Variants in PTPRD observed in about 807,000 individuals in gnomAD.
PTPRD encodes protein tyrosine phosphatase receptor type D.
A neutral mutation model predicts 214.5 loss-of-function variants in PTPRD; 34 were observed. The ratio of observed to expected loss-of-function variants is 0.16; its 90% CI spans 0.12 to 0.21. The LOEUF (loss-of-function observed/expected upper bound fraction) is 0.21, where lower values mean the gene tolerates loss of function less well. PTPRD is among the 10% of genes least tolerant of loss of function. The pLI, the probability that PTPRD is intolerant of heterozygous loss-of-function variation, is 1.00. For missense variants in PTPRD, 2,545 were observed against 2,398.7 expected, an observed-to-expected ratio of 1.06 and a Z score of -1.27; for synonymous variants, 1,128 against 845.7, an observed-to-expected ratio of 1.33 and a Z score of -5.79.
intron 4 of PTPRD, among the ~76,000 whole-genome samples, chr9:10,007,561 T>G (rs1389967592): frequency 6.6e-6 from 1 of 152,014 alleles, no homozygotes; most frequent in Non-Finnish European, 1.5e-5. Context: ...CTGAACCATA[T>G]GATCTCACGA....
chr9:9,990,915 T>C lies in PTPRD; in HGVS notation c.-472+42803A>G, dbSNP rs369278595. Among the ~76,000 whole-genome samples the C allele has an allele frequency of 3.5e-4, 52 of 149,928 alleles. 1 individual carries two copies. In the South Asian group the frequency reaches 8.9e-3, roughly 26 times the overall value. On this transcript the variant is annotated intron_variant, in intron 4 of 45. Transcript: ENST00000381196. ...TGTAAAATCAAAATGTAAAATCTTC[T>C]AGGGAAGATGAGTAAAATAGTCTTT...
intron 5 of PTPRD, among the ~76,000 whole-genome samples, chr9:9,935,555 C>G (rs1349625842): frequency 6.6e-6 from 1 of 151,894 alleles, no homozygotes; most frequent in Non-Finnish European, 1.5e-5. Context: ...AACTACAAAC[C>G]AATGCTCAAG....
intron 7 of PTPRD, among the ~76,000 whole-genome samples, chr9:9,678,473 A>T (rs1258242664): frequency 6.6e-6 from 1 of 152,064 alleles, no homozygotes; most frequent in African/African-American, 2.4e-5. Flanking sequence ...TGGGGAAACG[A>T]TTCCCAGTTT....
intron 11 of PTPRD, among the ~76,000 whole-genome samples, chr9:8,848,612 T>C (rs1351950908): frequency 6.6e-6 from 1 of 151,786 alleles, no homozygotes; most frequent in Non-Finnish European, 1.5e-5. Flanking sequence ...CCAACATAGA[T>C]TTTTCTTGAA....
At chr9:8,725,455 T>C (rs1418637018) in intron 12 of PTPRD, among the ~76,000 whole-genome samples, 4 of 152,166 alleles carry the variant, frequency 2.6e-5, no homozygotes, top group Non-Finnish European at 5.9e-5. Flanking sequence ...AATGAGCCAA[T>C]CAGTCAATGT....
intron 11 of PTPRD, among the ~76,000 whole-genome samples, chr9:8,831,368 C>T (rs1040617249): frequency 2.0e-5 from 3 of 152,184 alleles, no homozygotes; most frequent in African/African-American, 7.2e-5. Context: ...TATCAAAATA[C>T]ACTTGGCTTG....
intron 10 of PTPRD, among the ~76,000 whole-genome samples, chr9:9,094,555 C>G (rs2099780800): frequency 6.6e-6 from 1 of 152,058 alleles, no homozygotes; most frequent in African/African-American, 2.4e-5. Context: ...GGATCAAACA[C>G]TACATAGTGG....
intron 2 of PTPRD, among the ~76,000 whole-genome samples, chr9:10,475,150 G>C (rs1458582191): frequency 6.6e-6 from 1 of 152,100 alleles, no homozygotes; most frequent in Non-Finnish European, 1.5e-5. Context: ...AGAATTGAAG[G>C]AGACAGAGAC....
At chr9:8,882,697 C>T (rs113542115) in intron 11 of PTPRD, among the ~76,000 whole-genome samples, 1,953 of 151,682 alleles carry the variant, frequency 0.013, 44 homozygotes, top group African/African-American at 0.045. Flanking sequence ...CCAGCCTGGC[C>T]GACATAGTGA....
chr9:10,209,066 A>T (rs294800), intron 3 of PTPRD, among the ~76,000 whole-genome samples: 133,065 of 152,274 alleles, frequency 0.87, 58,194 homozygotes, highest in Admixed American at 0.92. Flanking sequence ...TTTAAGTTTT[A>T]TGAATGCTGC....
At chr9:8,984,236 T>C (rs1039001342) in intron 11 of PTPRD, among the ~76,000 whole-genome samples, 13 of 152,200 alleles carry the variant, frequency 8.5e-5, no homozygotes, top group African/African-American at 2.4e-4. Context: ...AATTTATCAA[T>C]CTACTTTCAA....
chr9:10,342,403 C>T (rs1285633102), intron 2 of PTPRD, among the ~76,000 whole-genome samples: 2 of 152,026 alleles, frequency 1.3e-5, no homozygotes, highest in Non-Finnish European at 2.9e-5. Context: ...CATTTCTATA[C>T]ATTTAGGATA....
chr9:9,976,759 T>TATA lies in PTPRD; in HGVS notation c.-471-38150_-471-38149insTAT, dbSNP rs2095370694. On this transcript the variant is annotated intron_variant, in intron 4 of 45. Coordinates refer to ENST00000381196, the MANE Select transcript of PTPRD (RefSeq NM_002839.4). ...TAGTTAGTCACCACTAGCTGACTATTAATGGCAAGTCTGTGTTCTTATTCT... is the reference window on the plus strand; with the variant it reads ...TAGTTAGTCACCACTAGCTGACTATTATAAATGGCAAGTCTGTGTTCTTATTCT... Among the ~76,000 whole-genome samples the TATA allele has an allele frequency of 5.3e-5, 8 of 150,346 alleles. No homozygotes were observed. In the South Asian group the frequency reaches 1.7e-3, roughly 32 times the overall value.
chr9:8,839,684 A>G (rs1267119347), intron 11 of PTPRD, among the ~76,000 whole-genome samples: 1 of 152,236 alleles, frequency 6.6e-6, no homozygotes, highest in Non-Finnish European at 1.5e-5. Context: ...ATACTTCTAC[A>G]TAACAACCCT....
In PTPRD at chr9:9,501,003, C is replaced by T. The variant is rs552450086; in HGVS notation, c.-237+73729G>A. Among the ~76,000 whole-genome samples, 5 of 151,798 alleles carry T rather than the reference C, an allele frequency of 3.3e-5. No individual in the cohort carries two copies. In the South Asian group the frequency reaches 1.0e-3, roughly 32 times the overall value. ...GCAACCATTAACAAAATACACACTG[C>T]TATGGCTAAAAAGCTACTTAGGAAA... On this transcript the variant is annotated intron_variant, in intron 8 of 45. Transcript: ENST00000381196.
chr9:9,208,116 G>A (rs2099946146), intron 9 of PTPRD, among the ~76,000 whole-genome samples: 1 of 143,032 alleles, frequency 7.0e-6, no homozygotes, highest in Admixed American at 7.5e-5. Context: ...CCGTGTTCAT[G>A]CCATTCTCCT....
chr9:9,324,796 G>A (rs1186028742), intron 9 of PTPRD, among the ~76,000 whole-genome samples: 1 of 152,124 alleles, frequency 6.6e-6, no homozygotes, highest in Non-Finnish European at 1.5e-5. Context: ...TATTGCCTAG[G>A]TTTTCCTCTA....
At chr9:9,703,283 A>C (rs377196218) in intron 7 of PTPRD, among the ~76,000 whole-genome samples, 2 of 152,188 alleles carry the variant, frequency 1.3e-5, no homozygotes, top group South Asian at 4.1e-4. Context: ...CTGTGAGTCA[A>C]TTAAACTCTT....
intron 7 of PTPRD, among the ~76,000 whole-genome samples, chr9:9,632,808 G>A (rs2095634757): frequency 6.6e-6 from 1 of 152,130 alleles, no homozygotes; most frequent in Non-Finnish European, 1.5e-5. Flanking sequence ...GTGGCACTAT[G>A]GGAACTAAGA....
Sources: allele counts gnomAD v4.1 joint callset (sites outside exome capture counted in the v4.1 genomes callset), GRCh38; gene constraint gnomAD v4.1.1; transcripts MANE v1.5; gene names NCBI Gene and HGNC (gene_info 2026-07-23, HGNC 2026-07-21).